The following FAM76B variants were observed in gnomAD, a reference collection of about 807,000 sequenced individuals.
FAM76B encodes the protein protein FAM76B.
FAM76B carries 16 observed loss-of-function variants against 51.8 expected under a neutral mutation model. The ratio of observed to expected loss-of-function variants is 0.31; its 90% CI spans 0.21 to 0.47. The LOEUF (loss-of-function observed/expected upper bound fraction) is 0.47, where lower values mean the gene tolerates loss of function less well. Ranked by LOEUF, FAM76B falls within the 20% of genes least tolerant of loss-of-function variation. The probability of loss-of-function intolerance (pLI) is 1.00; values close to 1 mark genes in which losing one functional copy is unlikely to be tolerated. For missense variants in FAM76B, 342 were observed against 392.6 expected, an observed-to-expected ratio of 0.87 and a Z score of 1.09; for synonymous variants, 166 against 129.5, an observed-to-expected ratio of 1.28 and a Z score of -1.91.
At chr11:95,779,261 C>A (rs1860146472) in intron 7 of FAM76B, 1 of 736,444 alleles carries the variant, frequency 1.4e-6, no homozygotes, top group Admixed American at 2.7e-5. Flanking sequence ...AAGTAACGCT[C>A]ATAATATTTT....
In FAM76B at chr11:95,788,465, T is replaced by C. The variant is rs1176707003; in HGVS notation, c.152+34A>G. 5 of 1,500,438 alleles carry C rather than the reference T, an allele frequency of 3.3e-6. No individual in the cohort carries two copies. The African/African-American group carries it at 7.0e-5, about 21-fold the overall frequency. The allele number at this position is 1,500,438 out of a possible 1,614,324, so 92.9% of individuals were successfully genotyped here. A position where few individuals can be genotyped will look rare whatever the true frequency, so the allele number is the denominator to read the frequency against. ...AAGTATTCCATAAAGACAACACTTG[T>C]CTTTAACAGTCAAAAACTATTCAGT... On this transcript the variant is annotated intron_variant, in intron 2 of 9. Coordinates refer to ENST00000358780, the MANE Select transcript of FAM76B (RefSeq NM_144664.5).
chr11:95,786,053 T>C, intron 4 of FAM76B, 66 bp downstream of exon 4: 15 of 1,556,724 alleles, frequency 9.6e-6, no homozygotes, highest in Non-Finnish European at 1.2e-5. Context: ...GTATTAATTA[T>C]AATTTCCAAC....
intron 8 of FAM76B, 148 bp from the exon 9 acceptor site, chr11:95,776,171 T>C: frequency 2.4e-6 from 1 of 408,746 alleles, no homozygotes; most frequent in Non-Finnish European, 4.3e-6. Context: ...CTATCTAAAG[T>C]TTGTTTGGTG....
At chr11:95,779,153 A>C (rs749379196) in intron 7 of FAM76B, 196 bp from the exon 8 acceptor site, 1 of 1,569,918 alleles carries the variant, frequency 6.4e-7, no homozygotes, top group Non-Finnish European at 8.6e-7. Context: ...AATATAATTC[A>C]GTATTAGCTT....
chr11:95,787,617 T>C lies in FAM76B; in HGVS notation c.207+7A>G. 6.2e-7 allele frequency: 1 copy of C among 1,609,528 alleles called. No individual in the cohort carries two copies. Among genetic ancestry groups the C allele is most frequent in the Non-Finnish European group, 8.5e-7 (1 of 1,177,014 alleles). ...AACAATGACATGAAAACATAAGACATACTTACCGTCCCAAATTGCTTCACA... is the reference window on the plus strand; with the variant it reads ...AACAATGACATGAAAACATAAGACACACTTACCGTCCCAAATTGCTTCACA... On this transcript the variant is annotated splice_region_variant and intron_variant, in intron 3 of 9. Transcript: ENST00000358780.
chr11:95,783,536 T>A (rs866016389), intron 4 of FAM76B, among the ~76,000 whole-genome samples: 18 of 152,352 alleles, frequency 1.2e-4, no homozygotes, highest in Admixed American at 4.6e-4. Flanking sequence ...TGTTACCTTT[T>A]TTCTTATTCC....
In FAM76B at chr11:95,785,914, T is replaced by C. The variant is rs146233005; in HGVS notation, c.363+205A>G. Among the ~76,000 whole-genome samples the C allele has an allele frequency of 3.3e-5, 5 of 152,308 alleles. No individual in the cohort carries two copies. The East Asian group carries it at 7.7e-4, about 23-fold the overall frequency. ...GCCAACTAGTACAGAATAGCCACCATAGAATATTTTTTAAAGTATAGTACA... is the reference window on the plus strand; with the variant it reads ...GCCAACTAGTACAGAATAGCCACCACAGAATATTTTTTAAAGTATAGTACA... On this transcript the variant is annotated intron_variant, in intron 4 of 9. Coordinates refer to ENST00000358780, the MANE Select transcript of FAM76B (RefSeq NM_144664.5).
At chr11:95,776,358 TA>T (rs1445744839) in intron 8 of FAM76B, among the ~76,000 whole-genome samples, 1 of 151,490 alleles carries the variant, frequency 6.6e-6, no homozygotes, top group Non-Finnish European at 1.5e-5. Context: ...ATGCCTCATT[TA>T]AAAATGTACT....
intron 1 of FAM76B, chr11:95,789,088 T>C (rs1403646660): frequency 2.8e-6 from 4 of 1,413,454 alleles, no homozygotes; most frequent in Admixed American, 2.4e-5. Context: ...CACCCCTGGG[T>C]CTCTGCGGCA....
chr11:95,787,875 A>G (rs983455871), intron 2 of FAM76B, among the ~76,000 whole-genome samples, 197 bp from the exon 3 acceptor site: 1 of 152,182 alleles, frequency 6.6e-6, no homozygotes, highest in African/African-American at 2.4e-5. Flanking sequence ...ATACATTTTT[A>G]TTGCATATTA....
chr11:95,784,476 G>C (rs143394705), intron 4 of FAM76B, among the ~76,000 whole-genome samples: 409 of 151,962 alleles, frequency 2.7e-3, no homozygotes, highest in Non-Finnish European at 4.1e-3. Flanking sequence ...GTCTTAAAGA[G>C]AAAATATGTG....
chr11:95,772,270 T>A (rs1859801188), intron 9 of FAM76B, among the ~76,000 whole-genome samples: 1 of 151,130 alleles, frequency 6.6e-6, no homozygotes, highest in Non-Finnish European at 1.5e-5. Flanking sequence ...CTGATTTTAG[T>A]GTGGTTTGAG....
chr11:95,780,006 T>C, intron 5 of FAM76B, 80 bp from the exon 6 acceptor site: 2 of 1,292,390 alleles, frequency 1.5e-6, no homozygotes, highest in Admixed American at 2.2e-5. Context: ...TCTCAATGGA[T>C]ACAAATTTTA....
intron 9 of FAM76B, among the ~76,000 whole-genome samples, chr11:95,772,454 C>T (rs561823006): frequency 2.6e-5 from 4 of 151,156 alleles, no homozygotes; most frequent in Non-Finnish European, 5.9e-5. Context: ...GCCTTTGTCA[C>T]CTTATTCAGT....
chr11:95,775,993 G>A lies in FAM76B; in HGVS notation c.859C>T (p.Gln287Ter). The A allele has an allele frequency of 1.3e-6, 2 of 1,584,764 alleles. No individual in the cohort carries two copies. The highest frequency in any genetic ancestry group is 1.4e-5 in the African/African-American group (1 of 73,162). ...LTELKADFQY[Q>*]ESNLRTKMNS... ...ATTTTTGTTCTCAAATTTGACTCTTGGTACTGAAAGTCTGCCTTTAGTTCA... is the reference window on the plus strand; with the variant it reads ...ATTTTTGTTCTCAAATTTGACTCTTAGTACTGAAAGTCTGCCTTTAGTTCA... Residue 287 changes from glutamine to a stop codon, truncating the protein, a stop_gained, in exon 9 of 10, where the codon CAA becomes TAA. Transcript: ENST00000358780. LOFTEE classifies it high-confidence loss of function.
At chr11:95,783,829 C>T (rs996611109) in intron 4 of FAM76B, among the ~76,000 whole-genome samples, 4 of 152,202 alleles carry the variant, frequency 2.6e-5, no homozygotes, top group African/African-American at 9.6e-5. Context: ...ATCTGTGCCA[C>T]CCAATAGCAC....
At position 95,787,356 on chromosome 11, in the gene FAM76B, C is replaced by T. The variant is rs192286220; in HGVS notation, c.207+268G>A. On this transcript the variant is annotated intron_variant, in intron 3 of 9. Transcript: ENST00000358780. ...TCACGCCATTCTCCTGCCTCAGCCT[C>T]TGGAGTAGCTGGGACTACAGGCGCC... 2.0e-5 allele frequency among the ~76,000 whole-genome samples: 3 copies of T among 152,256 alleles called. No homozygotes were observed. The East Asian group carries it at 5.8e-4, about 29-fold the overall frequency.
chr11:95,785,776 A>T (rs2120290996), intron 4 of FAM76B, among the ~76,000 whole-genome samples: 1 of 152,342 alleles, frequency 6.6e-6, no homozygotes, highest in South Asian at 2.1e-4. Context: ...TTATGTGCCA[A>T]TGTGCCATCA....
intron 5 of FAM76B, among the ~76,000 whole-genome samples, chr11:95,781,263 T>C (rs1156279995): frequency 6.6e-6 from 1 of 152,070 alleles, no homozygotes; most frequent in African/African-American, 2.4e-5. Flanking sequence ...TAGTGCCACC[T>C]GGCAACCACA....
Sources: allele counts gnomAD v4.1 joint callset (sites outside exome capture counted in the v4.1 genomes callset), GRCh38; gene constraint gnomAD v4.1.1; transcripts MANE v1.5; gene names NCBI Gene and HGNC (gene_info 2026-07-23, HGNC 2026-07-21).